The following BRSK1 variants were observed in gnomAD, a reference collection of about 807,000 sequenced individuals.
BRSK1 encodes the protein BR serine/threonine kinase 1.
BRSK1 carries 17 observed loss-of-function variants against 86.2 expected under a neutral mutation model. The observed-to-expected ratio is 0.20, with a 90% confidence interval of 0.14 to 0.30. The LOEUF is 0.30. Ranked by LOEUF, BRSK1 falls within the 10% of genes least tolerant of loss-of-function variation. The pLI is 1.00. For synonymous variants in BRSK1, 464 were observed against 440.1 expected (o/e 1.05, Z -0.68); for missense variants, 719 against 1,071.9 (o/e 0.67, Z 4.60).
chr19:55,299,041 G>C (rs1409426211), intron 7 of BRSK1, among the ~76,000 whole-genome samples: 2 of 152,120 alleles, frequency 1.3e-5, no homozygotes, highest in African/African-American at 4.8e-5. Flanking sequence ...AGACCAGCCT[G>C]GCCAATCAGG....
At chr19:55,297,479 C>G (rs1013264815) in intron 7 of BRSK1, among the ~76,000 whole-genome samples, 1 of 152,188 alleles carries the variant, frequency 6.6e-6, no homozygotes, top group Non-Finnish European at 1.5e-5. Context: ...GCTGATAAGC[C>G]GCAGGCCTGG....
intron 17 of BRSK1, among the ~76,000 whole-genome samples, chr19:55,307,215 G>A (rs1568989255): frequency 6.6e-6 from 1 of 152,206 alleles, no homozygotes; most frequent in Non-Finnish European, 1.5e-5. Flanking sequence ...AACTGTGGGT[G>A]TTCCGTCACC....
chr19:55,305,432 A>C, intron 15 of BRSK1, 31 bp from the exon 16 acceptor site: 1 of 1,614,088 alleles, frequency 6.2e-7, no homozygotes, highest in Non-Finnish European at 8.5e-7. Flanking sequence ...GCGCCTTCCT[A>C]ACCCTCCTCC....
In BRSK1 at chr19:55,302,006, A is replaced by T; in HGVS notation, c.826-131A>T. On this transcript the variant is annotated intron_variant, in intron 8 of 18. Coordinates refer to ENST00000309383, the MANE Select transcript of BRSK1 (RefSeq NM_032430.2). This position sits in a 1 kb window ranked among gnomAD's most constrained non-coding sequence, Gnocchi z 6.3. ...AGTCGCCACTAGAGGGCGATGTAAT[A>T]TGTCATCCTGCCCCCGGTGGGGTGG... 2 of 1,099,678 alleles carry T rather than the reference A, an allele frequency of 1.8e-6. No homozygotes were observed. Among genetic ancestry groups the T allele is most frequent in the Non-Finnish European group, 2.8e-6 (2 of 716,588 alleles). 68.1% of individuals were successfully genotyped at this position (1,099,678 alleles called of 1,614,324 possible). A position where few individuals can be genotyped will look rare whatever the true frequency, so the allele number is the denominator to read the frequency against.
rs1329785648 is a variant in BRSK1 at position 55,304,853 on chromosome 19, G to A, written c.1650G>A (p.Arg550=). 1.9e-6 allele frequency: 3 copies of A among 1,608,868 alleles called. No individual in the cohort carries two copies. The highest frequency in any genetic ancestry group is 2.5e-6 in the Non-Finnish European group (3 of 1,179,528). Residue 550 remains arginine, a synonymous_variant, in exon 14 of 19, where the codon AGG becomes AGA. Transcript: ENST00000309383. The surrounding 1 kb of genome is among the most constrained non-coding windows in gnomAD (Gnocchi z 5.2). ...PGGGVGGAAW[R]SRLNSIRNSF... ...GTGGCGTCGGGGGAGCCGCCTGGAG[G>A]AGTCGTCTCAACTCCATCCGCAACA...
At chr19:55,307,614 G>C (rs937445831) in intron 17 of BRSK1, among the ~76,000 whole-genome samples, 1 of 150,056 alleles carries the variant, frequency 6.7e-6, no homozygotes, top group Middle Eastern at 3.5e-3. Context: ...TCTGAGGCCA[G>C]GCATGATGGC....
rs571035565 is a variant in BRSK1, at chr19:55,306,575, C to T, written c.2089+125C>T. On this transcript the variant is annotated intron_variant, in intron 17 of 18. Transcript: ENST00000309383. This position sits in a 1 kb window ranked among gnomAD's most constrained non-coding sequence, Gnocchi z 4.7. ...ATGGTGTTCAGCTGGTGCCGACTCT[C>T]TGTGCTCCTCCTGCCCACACAGACC... 1.8e-6 allele frequency: 2 copies of T among 1,086,058 alleles called. No individual in the cohort carries two copies. Among genetic ancestry groups the T allele is most frequent in the African/African-American group, 1.6e-5 (1 of 64,428 alleles). The allele number at this position is 1,086,058 out of a possible 1,614,324, so 67.3% of individuals were successfully genotyped here. A position where few individuals can be genotyped will look rare whatever the true frequency, so the allele number is the denominator to read the frequency against.
chr19:55,310,531 G>A lies in BRSK1; in HGVS notation c.2180-1380G>A, dbSNP rs911489135. 2.0e-5 allele frequency among the ~76,000 whole-genome samples: 3 copies of A among 152,136 alleles called. No homozygotes were observed. Among genetic ancestry groups the A allele is most frequent in the Admixed American group, 6.5e-5 (1 of 15,270 alleles). Reference sequence around the variant, plus strand: ...CATGTGGACATCTTTGGAGGGGGCCGTTATTCAGCCTAGCCCAACCCCCTA... The same window carrying A: ...CATGTGGACATCTTTGGAGGGGGCCATTATTCAGCCTAGCCCAACCCCCTA... On this transcript the variant is annotated intron_variant, in intron 18 of 18. Transcript: ENST00000309383. This position sits in a 1 kb window ranked among gnomAD's most constrained non-coding sequence, Gnocchi z 5.0.
chr19:55,291,892 G>A (rs1047375936), intron 4 of BRSK1, among the ~76,000 whole-genome samples: 3 of 152,142 alleles, frequency 2.0e-5, no homozygotes, highest in Non-Finnish European at 2.9e-5. Context: ...CCGAGTACCT[G>A]GGACTACAGG....
intron 7 of BRSK1, among the ~76,000 whole-genome samples, chr19:55,300,379 G>T: frequency 6.6e-6 from 1 of 152,236 alleles, no homozygotes; most frequent in Non-Finnish European, 1.5e-5. Context: ...CTGAGGTCAT[G>T]CAGGTATAAG....
chr19:55,284,002 G>A lies in BRSK1; in HGVS notation c.-441G>A. On this transcript the variant is annotated 5_prime_UTR_variant, in exon 1 of 19. It adds an upstream start codon to the 5' untranslated region. Coordinates refer to ENST00000309383, the MANE Select transcript of BRSK1 (RefSeq NM_032430.2). The stretch of plus-strand genomic sequence containing the variant: ...GGGAAGGGCCCGGAGTCCCCGGATG[G>A]TGATGTCAGCGTGCCGGAGAGAAAG... The A allele has an allele frequency of 8.0e-7, 1 of 1,243,500 alleles. No individual in the cohort carries two copies. The highest frequency in any genetic ancestry group is 1.0e-6 in the Non-Finnish European group (1 of 995,580). The allele number at this position is 1,243,500 out of a possible 1,614,324, so 77.0% of individuals were successfully genotyped here.
At chr19:55,297,557 A>G (rs920940624) in intron 7 of BRSK1, among the ~76,000 whole-genome samples, 1 of 152,214 alleles carries the variant, frequency 6.6e-6, no homozygotes, top group African/African-American at 2.4e-5. Context: ...GCCAGCTCCA[A>G]GCTGGCTTCC....
rs2088587798 is a variant in BRSK1, at chr19:55,302,558, G to A, written c.858-139G>A. On this transcript the variant is annotated intron_variant, in intron 9 of 18. Transcript: ENST00000309383. This position sits in a 1 kb window ranked among gnomAD's most constrained non-coding sequence, Gnocchi z 6.3. ...GTCTGAGATGGGGGGCGAGGTCTGG[G>A]GCGTCTGGATTCCTGGGTATGAGAG... 4 of 1,133,684 alleles carry A rather than the reference G, an allele frequency of 3.5e-6. No homozygotes were observed. The Admixed American group carries it at 9.3e-5, about 26-fold the overall frequency. 70.2% of individuals were successfully genotyped at this position (1,133,684 alleles called of 1,614,324 possible).
At position 55,304,353 on chromosome 19, in the gene BRSK1, C is replaced by T. The variant is rs2088615088; in HGVS notation, c.1348-198C>T. Among the ~76,000 whole-genome samples the T allele has an allele frequency of 6.6e-6, 1 of 152,194 alleles. No individual in the cohort carries two copies. The highest frequency in any genetic ancestry group is 1.5e-5 in the Non-Finnish European group (1 of 68,026). ...AGTGCCTGCTGTGTACTAGTATCTG[C>T]ACCGGCTGGGTTTTCAGCCCACAGC... On this transcript the variant is annotated intron_variant, in intron 13 of 18. Transcript: ENST00000309383. The surrounding 1 kb of genome is among the most constrained non-coding windows in gnomAD (Gnocchi z 5.2).
intron 18 of BRSK1, 123 bp from the exon 19 acceptor site, chr19:55,311,788 T>C (rs2088802558): frequency 2.0e-6 from 2 of 1,001,134 alleles, no homozygotes; most frequent in Non-Finnish European, 2.9e-6. Context: ...TTATCAGGGA[T>C]TGGAGCTAGA....
Position 55,289,673 on chromosome 19 carries a change from G to A in BRSK1, c.458+53G>A, listed in dbSNP as rs910274644. Reference sequence around the variant, plus strand: ...GGGCTGAGGGCTGCCCAGCAGACAGGCCCTTGGGGGCATGTGGAGGGCTGA... The same window carrying A: ...GGGCTGAGGGCTGCCCAGCAGACAGACCCTTGGGGGCATGTGGAGGGCTGA... On this transcript the variant is annotated intron_variant, in intron 4 of 18. Transcript: ENST00000309383. 33 of 1,591,344 alleles carry A rather than the reference G, an allele frequency of 2.1e-5. No individual in the cohort carries two copies. The Admixed American group carries it at 5.8e-4, about 28-fold the overall frequency.
At chr19:55,301,993 A>G in intron 8 of BRSK1, 144 bp from the exon 9 acceptor site, 1 of 1,008,014 alleles carries the variant, frequency 9.9e-7, no homozygotes. Context: ...TCGCCACTAG[A>G]GGGCGATGTA....
Position 55,308,623 on chromosome 19 carries a change from C to T in BRSK1, c.2090-16C>T, listed in dbSNP as rs747680943. ...GGACCCCCAGTCAGTGTTTTTCTGC[C>T]CGCCTGTGCCTCTAGGTCCCAGCCG... On this transcript the variant is annotated splice_polypyrimidine_tract_variant and intron_variant, in intron 17 of 18. Transcript: ENST00000309383. 4 of 1,606,976 alleles carry T rather than the reference C, an allele frequency of 2.5e-6. No homozygotes were observed. In the South Asian group the frequency reaches 4.4e-5, roughly 18 times the overall value.
In BRSK1 at chr19:55,306,558, C is replaced by T; in HGVS notation, c.2089+108C>T. ...AGCAGCAGGAGGAGGAAATGGTGTT[C>T]AGCTGGTGCCGACTCTCTGTGCTCC... On this transcript the variant is annotated intron_variant, in intron 17 of 18. Transcript: ENST00000309383. This position sits in a 1 kb window ranked among gnomAD's most constrained non-coding sequence, Gnocchi z 4.7. 1 of 1,313,632 alleles carries T rather than the reference C, an allele frequency of 7.6e-7. No homozygotes were observed. The highest frequency in any genetic ancestry group is 1.1e-6 in the Non-Finnish European group (1 of 945,400). The allele number at this position is 1,313,632 out of a possible 1,614,324, so 81.4% of individuals were successfully genotyped here.
Sources: gnomAD v4.1 joint callset for allele counts (sites outside exome capture counted in the v4.1 genomes callset) on GRCh38, gnomAD v4.1.1 for gene constraint, Gnocchi (gnomAD v3.1) non-coding constraint, MANE v1.5 for transcripts, NCBI Gene and HGNC (gene_info 2026-07-23, HGNC 2026-07-21) for gene names.